The following TIGD6 variants were observed in gnomAD, a reference collection of about 807,000 sequenced individuals.
TIGD6 encodes the protein tigger transposable element derived 6.
A neutral mutation model predicts 2.6 loss-of-function variants in TIGD6; 1 was observed. The ratio of observed to expected loss-of-function variants is 0.39; its 90% CI spans 0.14 to 1.85. The LOEUF is 1.85. Ranked by LOEUF, TIGD6 falls within the 40% of genes most tolerant of loss-of-function variation. TIGD6 has a pLI of 0.32. For missense variants in TIGD6, 601 were observed against 634.2 expected (o/e 0.95, Z 0.56); for synonymous variants, 193 against 221.9 (o/e 0.87, Z 1.16).
Position 149,994,965 on chromosome 5 carries a change from G to C in TIGD6, c.1384C>G (p.Pro462Ala). Residue 462 changes from proline to alanine, a missense_variant, in exon 2 of 2, where the codon CCA (proline) becomes GCA (alanine). Coordinates refer to ENST00000296736, the MANE Select transcript of TIGD6 (RefSeq NM_030953.4). ...ATGGCTTCTGTGATGGTGACTTTTG[G>C]TTGCTCTGGTAAAGATACCTCCCCT... ...DEGEVSLPEQ[P>A]KVTITEAISS... The C allele has an allele frequency of 6.2e-7, 1 of 1,612,776 alleles. No individual in the cohort carries two copies.
rs1158485417 is a variant in TIGD6 at position 149,995,055 on chromosome 5, C to T, written c.1294G>A (p.Asp432Asn). 42 of 1,614,074 alleles carry T rather than the reference C, an allele frequency of 2.6e-5. No homozygotes were observed. Among genetic ancestry groups the T allele is most frequent in the Non-Finnish European group, 3.6e-5 (42 of 1,180,056 alleles). Residue 432 changes from aspartate (D) to asparagine (N), a missense_variant, in exon 2 of 2, where the codon GAC becomes AAC. Physicochemically the swap from Asp to Asn is conservative, Grantham distance 23. Coordinates refer to ENST00000296736, the MANE Select transcript of TIGD6 (RefSeq NM_030953.4). ...ACCATGTCCTGGATGATGTCTGTGT[C>T]CTGAGAGATAATGAGATCATCATCT... ...TADDDLIISQ[D>N]TDIIQDMVAG...
rs532971683 is a variant in TIGD6 at position 149,995,429 on chromosome 5, C to T, written c.920G>A (p.Cys307Tyr). 1.2e-6 allele frequency: 2 copies of T among 1,614,246 alleles called. No homozygotes were observed. Among genetic ancestry groups the T allele is most frequent in the Non-Finnish European group, 1.7e-6 (2 of 1,180,040 alleles). ...RIQVGYLPSN[C>Y]TAVLQPLNLG... ...ATTCAGTGGCTGCAGGACAGCAGTA[C>T]AGTTGGAGGGCAGATACCCAACCTG... Residue 307 changes from cysteine (C) to tyrosine (Y), a missense_variant, in exon 2 of 2, where the codon TGT (cysteine) becomes TAT (tyrosine). Transcript: ENST00000296736.
intron 1 of TIGD6, among the ~76,000 whole-genome samples, chr5:149,999,267 T>C (rs368434064): frequency 1.3e-5 from 2 of 152,112 alleles, no homozygotes; most frequent in African/African-American, 4.8e-5. Context: ...ATGGGTAAAG[T>C]TGATTTTCCT....
At position 149,993,660 on chromosome 5, in the gene TIGD6, A is replaced by G. The variant is rs1175044589; in HGVS notation, c.*1123T>C. On this transcript the variant is annotated 3_prime_UTR_variant, in exon 2 of 2. Coordinates refer to ENST00000296736, the MANE Select transcript of TIGD6 (RefSeq NM_030953.4). ...CTCCTTGCCTCAAGTGATCTTCCCA[A>G]TGTGCTGGGATTACAGGCATGAGCC... 6.6e-6 allele frequency: 1 copy of G among 151,978 alleles called. No individual in the cohort carries two copies. Among genetic ancestry groups the G allele is most frequent in the Non-Finnish European group, 1.5e-5 (1 of 68,052 alleles). 9.4% of individuals were successfully genotyped at this position (151,978 alleles called of 1,614,324 possible).
intron 1 of TIGD6, among the ~76,000 whole-genome samples, chr5:149,997,232 C>T (rs1304186928): frequency 6.6e-6 from 1 of 152,192 alleles, no homozygotes; most frequent in East Asian, 1.9e-4. Flanking sequence ...GGGGAAAGGG[C>T]TGTCCAGCAA....
At position 149,995,934 on chromosome 5, in the gene TIGD6, A is replaced by G. The variant is rs1279711154; in HGVS notation, c.415T>C (p.Cys139Arg). The G allele has an allele frequency of 3.7e-6, 6 of 1,613,576 alleles. No homozygotes were observed. The highest frequency in any genetic ancestry group is 5.1e-6 in the Non-Finnish European group (6 of 1,180,062). ...DRHGIALKAV[C>R]REDSDRLMNG... is the part of the protein sequence containing the mutation. ...ATTAACCTGTCACTATCTTCTCTAC[A>G]GACTGCTTTCAAAGCAATTCCGTGG... Residue 139 changes from cysteine (C) to arginine (R), a missense_variant, in exon 2 of 2, where the codon TGT becomes CGT. Cys to Arg is a radical substitution (Grantham distance 180). Coordinates refer to ENST00000296736, the MANE Select transcript of TIGD6 (RefSeq NM_030953.4).
At chr5:149,996,571 G>C in intron 1 of TIGD6, 142 bp from the exon 2 acceptor site, 1 of 565,650 alleles carries the variant, frequency 1.8e-6, no homozygotes, top group Non-Finnish European at 2.9e-6. Context: ...CTGACTTTTT[G>C]TAGAGGCTAC....
chr5:149,994,012 A>T lies in TIGD6; in HGVS notation c.*771T>A, dbSNP rs1755319184. 6.6e-6 allele frequency: 1 copy of T among 152,256 alleles called. No homozygotes were observed. Among genetic ancestry groups the T allele is most frequent in the South Asian group, 2.1e-4 (1 of 4,828 alleles). 9.4% of individuals were successfully genotyped at this position (152,256 alleles called of 1,614,324 possible). On this transcript the variant is annotated 3_prime_UTR_variant, in exon 2 of 2. Transcript: ENST00000296736. ...AGGAAAAAAGAGCTCTAGAGTAAGAACAGTTGATTCTTTTTTTAACAATTA... is the reference window on the plus strand; with the variant it reads ...AGGAAAAAAGAGCTCTAGAGTAAGATCAGTTGATTCTTTTTTTAACAATTA...
At position 149,994,901 on chromosome 5, in the gene TIGD6, C is replaced by G. The variant is rs771083611; in HGVS notation, c.1448G>C (p.Cys483Ser). The G allele has an allele frequency of 1.6e-5, 25 of 1,612,030 alleles. No individual in the cohort carries two copies. The highest frequency in any genetic ancestry group is 3.3e-5 in the Admixed American group (2 of 59,908). ...AAAAATGGCATCAGGAATGTCTACA[C>G]AAGTGGAAAGGAACTGTCTAAGTTT... The part of the protein sequence containing the change: ...VQKLRQFLST[C>S]VDIPDAIFGQ... The change falls in exon 2 of 2, where the codon TGT becomes TCT. Residue 483 changes from cysteine (C) to serine (S), a missense_variant. Cys to Ser is a moderately radical substitution (Grantham distance 112). Transcript: ENST00000296736.
Position 149,995,985 on chromosome 5 carries a change from C to T in TIGD6, c.364G>A (p.Gly122Ser). 1.2e-6 allele frequency: 2 copies of T among 1,611,056 alleles called. No homozygotes were observed. The highest frequency in any genetic ancestry group is 1.7e-6 in the Non-Finnish European group (2 of 1,180,022). Residue 122 changes from glycine (G) to serine (S), a missense_variant, in exon 2 of 2, where the codon GGC (glycine) becomes AGC (serine). Gly to Ser is a moderately conservative substitution (Grantham distance 56). Transcript: ENST00000296736. ...CGATCTCTAAATCTGTTCAGCCAGC[C>T]CACACTTGCTTGAAAATTGTCATAG... is the stretch of plus-strand genomic sequence containing the variant. ...LGYDNFQASV[G>S]WLNRFRDRHG...
At position 149,995,689 on chromosome 5, in the gene TIGD6, C is replaced by A. The variant is rs989531546; in HGVS notation, c.660G>T (p.Gly220=). 1 of 1,614,182 alleles carries A rather than the reference C, an allele frequency of 6.2e-7. No individual in the cohort carries two copies. Among genetic ancestry groups the A allele is most frequent in the South Asian group, 1.1e-5 (1 of 91,072 alleles). ...LTALFCCNAS[G]TEKMRPLIVG... ...CAATCAATGGTCTCATTTTTTCAGT[C>A]CCCGAGGCATTGCAACAAAAGAGTG... Residue 220 remains glycine (G), a synonymous_variant, in exon 2 of 2, where the codon GGG becomes GGT. Coordinates refer to ENST00000296736, the MANE Select transcript of TIGD6 (RefSeq NM_030953.4).
At chr5:150,000,242 G>A (rs553472005) in intron 1 of TIGD6, 4 of 154,532 alleles carry the variant, frequency 2.6e-5, no homozygotes, top group Non-Finnish European at 4.4e-5. Flanking sequence ...TGGGCCAGTG[G>A]GAGAGACGGA....
At chr5:149,997,349 C>T (rs1755413368) in intron 1 of TIGD6, among the ~76,000 whole-genome samples, 1 of 152,114 alleles carries the variant, frequency 6.6e-6, no homozygotes, top group African/African-American at 2.4e-5. Context: ...ACCAGCCTGG[C>T]CAACATGGCG....
rs1235709524 is a variant in TIGD6, at chr5:149,994,600, C to T, written c.*183G>A. 2 of 540,858 alleles carry T rather than the reference C, an allele frequency of 3.7e-6. No individual in the cohort carries two copies. Among genetic ancestry groups the T allele is most frequent in the Non-Finnish European group, 5.9e-6 (2 of 336,222 alleles). The allele number at this position is 540,858 out of a possible 1,614,324, so 33.5% of individuals were successfully genotyped here. A position where few individuals can be genotyped will look rare whatever the true frequency, so the allele number is the denominator to read the frequency against. The stretch of plus-strand genomic sequence containing the variant: ...TACATCTTGAATCAAGGACCAGAGA[C>T]AGCCAAAAACAAAAGAAAAGAAAAC... On this transcript the variant is annotated 3_prime_UTR_variant, in exon 2 of 2. Coordinates refer to ENST00000296736, the MANE Select transcript of TIGD6 (RefSeq NM_030953.4).
chr5:149,996,788 C>A (rs749324232), intron 1 of TIGD6, among the ~76,000 whole-genome samples: 23 of 152,246 alleles, frequency 1.5e-4, no homozygotes, highest in Non-Finnish European at 2.5e-4. Context: ...GACACAGAAA[C>A]TGGGGCCCTG....
At chr5:149,997,974 T>A (rs1346408196) in intron 1 of TIGD6, among the ~76,000 whole-genome samples, 10 of 141,776 alleles carry the variant, frequency 7.1e-5, no homozygotes, top group African/African-American at 1.8e-4. Flanking sequence ...AAAAAATAAA[T>A]AAATAAATAA....
intron 1 of TIGD6, chr5:149,999,791 T>G (rs551694820): frequency 6.6e-6 from 1 of 152,190 alleles, no homozygotes; most frequent in Non-Finnish European, 1.5e-5. Flanking sequence ...ACTACTAATA[T>G]TGAGAGGAGA....
Position 149,994,741 on chromosome 5 carries a change from CTT to C in TIGD6, c.*40_*41del. The stretch of plus-strand genomic sequence containing the variant: ...GGCTCAACAACCTATCTAAAGAAAT[CTT>C]TATTCTTGTAAACTACATTTTCTGA... On this transcript the variant is annotated 3_prime_UTR_variant, in exon 2 of 2. Transcript: ENST00000296736. 6.8e-7 allele frequency: 1 copy of C among 1,477,986 alleles called. No homozygotes were observed. The highest frequency in any genetic ancestry group is 1.5e-5 in the South Asian group (1 of 68,332). The allele number at this position is 1,477,986 out of a possible 1,614,324, so 91.6% of individuals were successfully genotyped here. A position where few individuals can be genotyped will look rare whatever the true frequency, so the allele number is the denominator to read the frequency against.
rs573187046 is a variant in TIGD6, at chr5:149,996,197, C to T, written c.152G>A (p.Arg51His). 165 of 1,614,172 alleles carry T rather than the reference C, an allele frequency of 1.0e-4. No individual in the cohort carries two copies. The South Asian group carries it at 1.4e-3, about 14-fold the overall frequency. ...CCGCACCTTTTCTTCAAATTTGGTG[C>T]GATCCTTTAAGAATGTAGATAAAGT... ...PSTLSTFLKD[R>H]TKFEEKVREA... The change falls in exon 2 of 2, where the codon CGC becomes CAC. Residue 51 changes from arginine to histidine, a missense_variant. Arg to His is a conservative substitution (Grantham distance 29, BLOSUM62 0). Coordinates refer to ENST00000296736, the MANE Select transcript of TIGD6 (RefSeq NM_030953.4).
Sources: allele counts gnomAD v4.1 joint callset (sites outside exome capture counted in the v4.1 genomes callset), GRCh38; gene constraint gnomAD v4.1.1; transcripts MANE v1.5; gene names NCBI Gene and HGNC (gene_info 2026-07-23, HGNC 2026-07-21).